PCGF6: variants seen among roughly 807,000 people sequenced by gnomAD.
PCGF6 encodes polycomb group ring finger 6.
In PCGF6, 24 loss-of-function variants were observed where a neutral mutation model predicts 45.5. The ratio of observed to expected loss-of-function variants is 0.53; its 90% CI spans 0.38 to 0.74. The LOEUF (loss-of-function observed/expected upper bound fraction) is 0.74, where lower values mean the gene tolerates loss of function less well. Among genes scored for constraint, PCGF6 ranks in the 30% least tolerant of loss-of-function variants. The pLI is 0.00. For missense variants in PCGF6, 356 were observed against 443.2 expected (o/e 0.80, Z 1.77); for synonymous variants, 152 against 162.1 (o/e 0.94, Z 0.47).
intron 6 of PCGF6, among the ~76,000 whole-genome samples, chr10:103,340,188 A>ATATAT (rs2093275204): frequency 2.0e-5 from 2 of 102,064 alleles, no homozygotes; most frequent in African/African-American, 8.6e-5. Flanking sequence ...GGGAAAAAAA[A>ATATAT]AAAAAAAAAA....
At chr10:103,319,157 C>T (rs553091330) in intron 8 of PCGF6, among the ~76,000 whole-genome samples, 2 of 152,128 alleles carry the variant, frequency 1.3e-5, no homozygotes, top group African/African-American at 4.8e-5. Flanking sequence ...ATCATACATA[C>T]TCTTCTTTTC....
At chr10:103,325,488 T>A (rs370083174) in intron 8 of PCGF6, among the ~76,000 whole-genome samples, 1 of 152,206 alleles carries the variant, frequency 6.6e-6, no homozygotes, top group East Asian at 1.9e-4. Flanking sequence ...GACCTCGTGA[T>A]CCACCCACCT....
intron 1 of PCGF6, 78 bp downstream of exon 1, chr10:103,350,629 C>G (rs1159281726): frequency 8.3e-6 from 11 of 1,331,390 alleles, no homozygotes; most frequent in South Asian, 3.7e-5. Context: ...AGGATCGGGC[C>G]GGCGCCCGGC....
At chr10:103,310,017 T>C (rs967976507) in intron 9 of PCGF6, among the ~76,000 whole-genome samples, 17 of 151,296 alleles carry the variant, frequency 1.1e-4, no homozygotes, top group African/African-American at 4.1e-4. Flanking sequence ...AATGGTGCAA[T>C]TTCAGCTCAT....
intron 6 of PCGF6, among the ~76,000 whole-genome samples, chr10:103,337,186 A>C (rs922467516): frequency 1.3e-5 from 2 of 152,164 alleles, no homozygotes; most frequent in African/African-American, 2.4e-5. Context: ...TGTTGGACTA[A>C]GGCAGCACAG....
intron 6 of PCGF6, among the ~76,000 whole-genome samples, chr10:103,337,104 T>C (rs947332055): frequency 1.3e-5 from 2 of 152,154 alleles, no homozygotes; most frequent in African/African-American, 2.4e-5. Flanking sequence ...TTCAAACTTT[T>C]ACCATTCCAG....
intron 7 of PCGF6, 59 bp from the exon 8 acceptor site, chr10:103,326,691 G>A (rs962497002): frequency 8.1e-6 from 10 of 1,231,844 alleles, no homozygotes; most frequent in African/African-American, 3.0e-5. Flanking sequence ...CATGCATGAC[G>A]TATGTGTATA....
chr10:103,337,438 C>G (rs1186136533), intron 6 of PCGF6, among the ~76,000 whole-genome samples: 1 of 152,114 alleles, frequency 6.6e-6, no homozygotes, highest in Non-Finnish European at 1.5e-5. Context: ...CTTTGAGTTG[C>G]TATTGTAACC....
intron 1 of PCGF6, among the ~76,000 whole-genome samples, 155 bp downstream of exon 1, chr10:103,350,552 C>T (rs1564737361): frequency 6.6e-6 from 1 of 152,202 alleles, no homozygotes; most frequent in Non-Finnish European, 1.5e-5. Flanking sequence ...CGGCGCCACA[C>T]GCCTAGGCAG....
rs190210337 is a variant in PCGF6 at position 103,329,166 on chromosome 10, A to G, written c.811-2534T>C. Among the ~76,000 whole-genome samples the G allele has an allele frequency of 7.5e-3, 1,138 of 152,234 alleles. 20 individuals carry two copies. Among genetic ancestry groups the G allele is most frequent in the South Asian group, 0.073 (354 of 4,822 alleles). On this transcript the variant is annotated intron_variant, in intron 7 of 9. Coordinates refer to ENST00000369847, the MANE Select transcript of PCGF6 (RefSeq NM_001011663.2). ...GTGATTCTCCTATCTCAGCCTCCCA[A>G]GTAGCTGGGACTACAGGTACCCGCC...
At position 103,311,447 on chromosome 10, in the gene PCGF6, C is replaced by CTT. The variant is rs764380692; in HGVS notation, c.996+2737_996+2738dup. ...GTGAGCCACTGTGCCCGGCCTCTCT[C>CTT]TTTTTTTTTTTTTTTGAGACATGGT... On this transcript the variant is annotated intron_variant, in intron 9 of 9. Coordinates refer to ENST00000369847, the MANE Select transcript of PCGF6 (RefSeq NM_001011663.2). Among the ~76,000 whole-genome samples, 8 of 137,514 alleles carry CTT rather than the reference C, an allele frequency of 5.8e-5. No individual in the cohort carries two copies. In the East Asian group the frequency reaches 1.1e-3, roughly 19 times the overall value. 90.2% of individuals were successfully genotyped at this position (137,514 alleles called of 152,430 possible).
chr10:103,335,365 CA>C (rs2093252902), intron 6 of PCGF6, among the ~76,000 whole-genome samples: 1 of 150,886 alleles, frequency 6.6e-6, no homozygotes, highest in African/African-American at 2.4e-5. Flanking sequence ...CCAAAGCACT[CA>C]TTTTTTTTTT....
chr10:103,307,546 C>T (rs904377844), intron 9 of PCGF6, among the ~76,000 whole-genome samples: 4 of 152,192 alleles, frequency 2.6e-5, no homozygotes, highest in South Asian at 2.1e-4. Flanking sequence ...GATCAGAGCT[C>T]GCAACAGCCC....
chr10:103,346,380 C>T (rs1438598010), intron 5 of PCGF6, among the ~76,000 whole-genome samples: 1 of 151,958 alleles, frequency 6.6e-6, no homozygotes, highest in Admixed American at 6.6e-5. Context: ...AATCCCAGCA[C>T]TTTGGGAGGC....
intron 1 of PCGF6, among the ~76,000 whole-genome samples, 195 bp from the exon 2 acceptor site, chr10:103,349,194 C>T (rs768116287): frequency 6.6e-6 from 1 of 151,654 alleles, no homozygotes; most frequent in Non-Finnish European, 1.5e-5. Flanking sequence ...ATTACAGGCG[C>T]GCACAACCAC....
intron 6 of PCGF6, among the ~76,000 whole-genome samples, chr10:103,340,180 GAA>G (rs58312332): frequency 0.025 from 1,769 of 72,056 alleles, 20 homozygotes; most frequent in Middle Eastern, 0.1. Context: ...CTGTCTCAGG[GAA>G]AAAAAAAAAA....
At chr10:103,327,463 A>T (rs1246711645) in intron 7 of PCGF6, among the ~76,000 whole-genome samples, 1 of 152,188 alleles carries the variant, frequency 6.6e-6, no homozygotes, top group Non-Finnish European at 1.5e-5. Context: ...TTCAGGGGAC[A>T]ATCTAGGAAA....
chr10:103,323,088 A>G (rs1262822790), intron 8 of PCGF6, among the ~76,000 whole-genome samples: 4 of 152,094 alleles, frequency 2.6e-5, no homozygotes, highest in East Asian at 1.9e-4. Context: ...TTAATCCAGG[A>G]GTCACTAACC....
rs986017043 is a variant in PCGF6, at chr10:103,350,882, G to C, written c.185C>G (p.Pro62Arg). ...CAGGCTGCGCTCCGGCTCCAGCTCA[G>C]GGGGCCGGGAGCCGGAGCAGCCGGG... ...GAPGCSGSRPPELEPERSLGR... is the reference protein window; with the variant it reads ...GAPGCSGSRPRELEPERSLGR... The change falls in exon 1 of 10, where the codon CCT becomes CGT. Residue 62 changes from proline (P) to arginine (R), a missense_variant. Around this residue, in one of 2 missense-constraint regions of PCGF6, gnomAD observed 307 missense variants for 350.1 expected, o/e 0.88. Coordinates refer to ENST00000369847, the MANE Select transcript of PCGF6 (RefSeq NM_001011663.2). 18 of 1,533,772 alleles carry C rather than the reference G, an allele frequency of 1.2e-5. No homozygotes were observed. Among genetic ancestry groups the C allele is most frequent in the Non-Finnish European group, 1.6e-5 (18 of 1,142,046 alleles).
Sources: allele counts gnomAD v4.1 joint callset (sites outside exome capture counted in the v4.1 genomes callset), GRCh38; gene constraint gnomAD v4.1.1; regional missense constraint gnomAD v4.1.1; transcripts MANE v1.5; gene names NCBI Gene and HGNC (gene_info 2026-07-23, HGNC 2026-07-21).